The following DNAH8 variants were observed in gnomAD, a reference collection of about 807,000 sequenced individuals.
The protein encoded by DNAH8 is axonemal beta dynein heavy chain 8.
DNAH8 carries 382 observed loss-of-function variants against 562.1 expected under a neutral mutation model. The observed-to-expected ratio is 0.68, with a 90% confidence interval of 0.63 to 0.74. The LOEUF (loss-of-function observed/expected upper bound fraction) is 0.74, where lower values mean the gene tolerates loss of function less well. DNAH8 is among the 30% of genes least tolerant of loss of function. The pLI, the probability that DNAH8 is intolerant of heterozygous loss-of-function variation, is 0.00. For synonymous variants in DNAH8, 1,881 were observed against 1,919.4 expected, an observed-to-expected ratio of 0.98 and a Z score of 0.52; for missense variants, 5,203 against 5,620.4, an observed-to-expected ratio of 0.93 and a Z score of 2.37.
chr6:38,766,896 TC>T (rs1767059478), intron 11 of DNAH8, among the ~76,000 whole-genome samples: 1 of 152,176 alleles, frequency 6.6e-6, no homozygotes, highest in Non-Finnish European at 1.5e-5. Context: ...AAAAAGCAAG[TC>T]TGATAGAAAT....
chr6:39,028,908 G>A (rs1481505310), intron 92 of DNAH8, among the ~76,000 whole-genome samples: 1 of 151,636 alleles, frequency 6.6e-6, no homozygotes, highest in African/African-American at 2.4e-5. Context: ...GCCCCCACAG[G>A]GGGATTCCAG....
chr6:38,826,494 T>G, intron 29 of DNAH8, 103 bp downstream of exon 29: 2 of 748,242 alleles, frequency 2.7e-6, no homozygotes, highest in Non-Finnish European at 4.4e-6. Flanking sequence ...ATCTATTATG[T>G]AGCACAGTCT....
intron 22 of DNAH8, 44 bp from the exon 23 acceptor site, chr6:38,805,437 T>C: frequency 7.9e-7 from 1 of 1,269,534 alleles, no homozygotes; most frequent in Non-Finnish European, 1.2e-6. Context: ...CAGACAATGC[T>C]AAAAAGTCAA....
At chr6:38,758,356 T>C (rs2127603669) in intron 10 of DNAH8, among the ~76,000 whole-genome samples, 1 of 151,870 alleles carries the variant, frequency 6.6e-6, no homozygotes, top group East Asian at 1.9e-4. Context: ...TAAGAATGCT[T>C]GTGATTTTTG....
At chr6:38,916,535 A>G (rs1426325352) in intron 68 of DNAH8, among the ~76,000 whole-genome samples, 1 of 152,196 alleles carries the variant, frequency 6.6e-6, no homozygotes, top group African/African-American at 2.4e-5. Flanking sequence ...AATGCCTGCA[A>G]TTGTTAAATG....
chr6:38,954,719 A>AT (rs1762133481), intron 82 of DNAH8, among the ~76,000 whole-genome samples: 1 of 150,916 alleles, frequency 6.6e-6, no homozygotes, highest in African/African-American at 2.5e-5. Flanking sequence ...AAAAAAAAAA[A>AT]AAAAAAAAAT....
intron 24 of DNAH8, among the ~76,000 whole-genome samples, chr6:38,812,351 T>C (rs1166438836): frequency 6.6e-6 from 1 of 152,178 alleles, no homozygotes; most frequent in African/African-American, 2.4e-5. Flanking sequence ...TTTTTTGAAG[T>C]ATGAACTCAC....
At chr6:38,982,308 G>C (rs1764086747) in intron 85 of DNAH8, 38 bp from the exon 86 acceptor site, 2 of 854,980 alleles carry the variant, frequency 2.3e-6, no homozygotes, top group Non-Finnish European at 2.0e-6. Context: ...AATGGAATCA[G>C]GTACATGCAA....
intron 15 of DNAH8, among the ~76,000 whole-genome samples, chr6:38,780,824 G>A (rs768392547): frequency 2.6e-5 from 4 of 151,906 alleles, no homozygotes; most frequent in Non-Finnish European, 4.4e-5. Context: ...AAACAAACAT[G>A]TAACCCTGAA....
intron 65 of DNAH8, among the ~76,000 whole-genome samples, chr6:38,910,676 T>C (rs904642429): frequency 1.3e-5 from 2 of 152,194 alleles, no homozygotes; most frequent in Non-Finnish European, 2.9e-5. Context: ...TGGGTATATT[T>C]TTCAAAATTT....
At position 38,906,261 on chromosome 6, in the gene DNAH8, A is replaced by C. The variant is rs768881750; in HGVS notation, c.9202A>C (p.Asn3068His). 5.0e-6 allele frequency: 8 copies of C among 1,586,530 alleles called. No individual in the cohort carries two copies. Among genetic ancestry groups the C allele is most frequent in the Non-Finnish European group, 6.0e-6 (7 of 1,163,510 alleles). Residue 3068 changes from asparagine (N) to histidine (H), a missense_variant, in exon 63 of 93, where the codon AAT (asparagine) becomes CAT (histidine). Asn to His is a moderately conservative substitution (Grantham distance 68, BLOSUM62 1). Transcript: ENST00000327475. ...TATCATTTTTCTTCTTAGGTCTTAC[A>C]ATGTGACTAATCTAACAGATGATTT... ...IFQITLTRSY[N>H]VTNLTDDLKA...
chr6:38,967,462 A>G (rs1763049949), intron 82 of DNAH8, among the ~76,000 whole-genome samples: 1 of 152,212 alleles, frequency 6.6e-6, no homozygotes, highest in Admixed American at 6.5e-5. Flanking sequence ...AATATTTAAA[A>G]GCTATTGTAT....
intron 71 of DNAH8, among the ~76,000 whole-genome samples, chr6:38,922,128 A>T (rs1301097551): frequency 6.6e-6 from 1 of 151,536 alleles, no homozygotes; most frequent in Non-Finnish European, 1.5e-5. Flanking sequence ...TGCAGGTCAC[A>T]GGGGATATGA....
rs954169963 is a variant in DNAH8 at position 38,928,862 on chromosome 6, T to C, written c.11119-649T>C. ...ATTGGCTCATGCAGAGATGAACCAC[T>C]ACAGTGTGTCTATTTTAACTAATAA... On this transcript the variant is annotated intron_variant, in intron 74 of 92. Coordinates refer to ENST00000327475, the MANE Select transcript of DNAH8 (RefSeq NM_001206927.2). Among the ~76,000 whole-genome samples the C allele has an allele frequency of 4.6e-5, 7 of 152,310 alleles. No homozygotes were observed. The East Asian group carries it at 1.4e-3, about 29-fold the overall frequency.
intron 43 of DNAH8, 146 bp downstream of exon 43, chr6:38,860,775 A>G: frequency 4.1e-6 from 2 of 484,588 alleles, no homozygotes; most frequent in Non-Finnish European, 6.9e-6. Context: ...ACAATGAAAT[A>G]ACCACTTAAA....
chr6:38,858,725 A>G (rs867368643), intron 42 of DNAH8, among the ~76,000 whole-genome samples: 6 of 152,358 alleles, frequency 3.9e-5, no homozygotes, highest in Middle Eastern at 3.4e-3. Context: ...TTAAGCTACT[A>G]TCAGAAAGCT....
At chr6:38,984,460 GCACACACATGCACACACACACA>G (rs1764238695) in intron 87 of DNAH8, 153 bp downstream of exon 87, 4 of 561,504 alleles carry the variant, frequency 7.1e-6, no homozygotes, top group Non-Finnish European at 1.3e-5. Flanking sequence ...TTACACACAC[GCACACACATGCACACACACACA>G]CACACACACA....
At chr6:38,956,179 A>G (rs999576981) in intron 82 of DNAH8, among the ~76,000 whole-genome samples, 1 of 152,226 alleles carries the variant, frequency 6.6e-6, no homozygotes, top group Non-Finnish European at 1.5e-5. Context: ...GCTCATATCT[A>G]GCAGACTGGG....
At chr6:38,851,114 AT>A (rs1188273722) in intron 38 of DNAH8, among the ~76,000 whole-genome samples, 2 of 152,132 alleles carry the variant, frequency 1.3e-5, no homozygotes, top group South Asian at 2.1e-4. Flanking sequence ...TGTCAGGATA[AT>A]TTTTTTAAGG....
Sources: gnomAD v4.1 joint callset for allele counts (sites outside exome capture counted in the v4.1 genomes callset) on GRCh38, gnomAD v4.1.1 for gene constraint, MANE v1.5 for transcripts, NCBI Gene and HGNC (gene_info 2026-07-23, HGNC 2026-07-21) for gene names.